Variants in ACVR1 observed in about 807,000 individuals in gnomAD.
The protein encoded by ACVR1 is activin A receptor type 1.
Under a neutral mutation model 57.1 loss-of-function variants are expected in ACVR1, and 38 were observed. The observed-to-expected ratio is 0.67, with a 90% confidence interval of 0.51 to 0.87. ACVR1 has a LOEUF of 0.87. Among genes scored for constraint, ACVR1 ranks in the 40% least tolerant of loss-of-function variants. The pLI is 0.00. For missense variants in ACVR1, 463 were observed against 638.2 expected (o/e 0.73, Z 2.96); for synonymous variants, 212 against 228.1 (o/e 0.93, Z 0.63).
chr2:157,803,909 A>T (rs1687420487), intron 2 of ACVR1, among the ~76,000 whole-genome samples: 3 of 149,538 alleles, frequency 2.0e-5, no homozygotes, highest in African/African-American at 7.4e-5. Flanking sequence ...ATACTACCTT[A>T]TTTTTTTTTT....
intron 3 of ACVR1, among the ~76,000 whole-genome samples, chr2:157,793,248 T>C (rs1686987394): frequency 6.6e-6 from 1 of 152,274 alleles, no homozygotes; most frequent in East Asian, 1.9e-4. Context: ...AGCTTAGGTG[T>C]TGAATTTGTT....
intron 9 of ACVR1, among the ~76,000 whole-genome samples, chr2:157,747,100 T>A (rs761727973): frequency 6.6e-6 from 1 of 152,224 alleles, no homozygotes; most frequent in African/African-American, 2.4e-5. Context: ...TGTATCATTA[T>A]AATGACCTTC....
chr2:157,742,554 C>G (rs1017268239), intron 9 of ACVR1, among the ~76,000 whole-genome samples: 5 of 152,122 alleles, frequency 3.3e-5, no homozygotes, highest in Non-Finnish European at 7.4e-5. Context: ...GGGCATATGT[C>G]TAGTTGAAAG....
In ACVR1 at chr2:157,738,561, T is replaced by C. The variant is rs1191828453; in HGVS notation, c.1274A>G (p.Glu425Gly). Residue 425 changes from glutamate to glycine, a missense_variant, in exon 10 of 11, where the codon GAG (glutamate) becomes GGG (glycine). Transcript: ENST00000434821. ...ATCGTAGAACGGTGGCTTGTAATCC[T>C]CCACTATACCTGCACACAAGGACAA... ...ARRMVSNGIV[E>G]DYKPPFYDVV... is the part of the protein sequence containing the mutation. 4.3e-6 allele frequency: 7 copies of C among 1,613,942 alleles called. No homozygotes were observed. The highest frequency in any genetic ancestry group is 1.3e-5 in the African/African-American group (1 of 74,902).
chr2:157,756,909 G>A (rs1191071534), intron 9 of ACVR1, among the ~76,000 whole-genome samples: 2 of 149,968 alleles, frequency 1.3e-5, no homozygotes, highest in African/African-American at 4.9e-5. Flanking sequence ...AAATGTCCAT[G>A]AATCAACAAG....
intron 1 of ACVR1, among the ~76,000 whole-genome samples, chr2:157,854,505 G>A (rs1042168563): frequency 1.3e-4 from 19 of 151,906 alleles, no homozygotes; most frequent in African/African-American, 2.7e-4. Flanking sequence ...GGAGGATCAC[G>A]AGGTCAGGAG....
chr2:157,767,903 A>G (rs1574040189), intron 7 of ACVR1, among the ~76,000 whole-genome samples: 2 of 152,294 alleles, frequency 1.3e-5, no homozygotes, highest in Admixed American at 1.3e-4. Context: ...GGCAGCTAAT[A>G]ATTATTGAGT....
intron 1 of ACVR1, among the ~76,000 whole-genome samples, chr2:157,825,809 T>C (rs989772591): frequency 3.3e-5 from 5 of 152,184 alleles, no homozygotes; most frequent in African/African-American, 1.2e-4. Context: ...AATCAGAGCA[T>C]CTTGAGTGAA....
intron 1 of ACVR1, among the ~76,000 whole-genome samples, chr2:157,855,717 C>T (rs1421646989): frequency 1.3e-5 from 2 of 152,066 alleles, no homozygotes; most frequent in Non-Finnish European, 2.9e-5. Context: ...GCTTTATAAA[C>T]TGTAAAGTCT....
chr2:157,815,195 T>C lies in ACVR1; in HGVS notation c.-8+3190A>G, dbSNP rs137870559. ...AAACCGTGGATACTGTTACCATGTGTGTAAAAGAAAAATTGTAATATATGC... is the reference window on the plus strand; with the variant it reads ...AAACCGTGGATACTGTTACCATGTGCGTAAAAGAAAAATTGTAATATATGC... On this transcript the variant is annotated intron_variant, in intron 2 of 10. Coordinates refer to ENST00000434821, the MANE Select transcript of ACVR1 (RefSeq NM_001111067.4). 9.8e-3 allele frequency among the ~76,000 whole-genome samples: 1,491 copies of C among 152,262 alleles called. 23 individuals carry two copies. The highest frequency in any genetic ancestry group is 0.033 in the African/African-American group (1,386 of 41,558).
At chr2:157,780,724 C>A in intron 3 of ACVR1, 124 bp from the exon 4 acceptor site, 1 of 1,188,192 alleles carries the variant, frequency 8.4e-7, no homozygotes, top group East Asian at 2.5e-5. Flanking sequence ...CTAAGCATCA[C>A]CATCAACCAT....
At chr2:157,823,505 T>C (rs769562676) in intron 1 of ACVR1, among the ~76,000 whole-genome samples, 4 of 152,078 alleles carry the variant, frequency 2.6e-5, no homozygotes, top group African/African-American at 4.8e-5. Context: ...ATCTCCAAGA[T>C]GTTTTAAGGA....
At chr2:157,814,876 G>C (rs1687877139) in intron 2 of ACVR1, among the ~76,000 whole-genome samples, 1 of 152,192 alleles carries the variant, frequency 6.6e-6, no homozygotes, top group Non-Finnish European at 1.5e-5. Flanking sequence ...CTGAGGTCAG[G>C]AGATCGTGAC....
intron 6 of ACVR1, among the ~76,000 whole-genome samples, chr2:157,773,030 C>T (rs1478853283): frequency 2.0e-5 from 3 of 152,118 alleles, no homozygotes; most frequent in Non-Finnish European, 4.4e-5. Flanking sequence ...GTGGTGGGGG[C>T]AGCTTATAGG....
At chr2:157,843,336 T>G (rs1422110800) in intron 1 of ACVR1, among the ~76,000 whole-genome samples, 2 of 152,208 alleles carry the variant, frequency 1.3e-5, no homozygotes, top group East Asian at 3.8e-4. Context: ...TCCATAATTA[T>G]CACTAGTGCC....
At chr2:157,831,354 A>G (rs1559083177) in intron 1 of ACVR1, among the ~76,000 whole-genome samples, 1 of 152,192 alleles carries the variant, frequency 6.6e-6, no homozygotes, top group Non-Finnish European at 1.5e-5. Context: ...TACACATGAA[A>G]TTGCTTAATG....
chr2:157,803,883 A>G (rs1284861707), intron 2 of ACVR1, among the ~76,000 whole-genome samples: 1 of 151,856 alleles, frequency 6.6e-6, no homozygotes, highest in Non-Finnish European at 1.5e-5. Flanking sequence ...TATATTCATA[A>G]TAAAATAACA....
intron 2 of ACVR1, among the ~76,000 whole-genome samples, chr2:157,805,464 G>T (rs1687485147): frequency 6.6e-6 from 1 of 152,124 alleles, no homozygotes; most frequent in South Asian, 2.1e-4. Flanking sequence ...CTCACCATTG[G>T]TAAGGGCTCT....
At chr2:157,835,040 C>G (rs1688730918) in intron 1 of ACVR1, among the ~76,000 whole-genome samples, 1 of 152,150 alleles carries the variant, frequency 6.6e-6, no homozygotes, top group Non-Finnish European at 1.5e-5. Context: ...AGCTACACAG[C>G]CTCTGGAATT....
Sources: gnomAD v4.1 joint callset for allele counts (sites outside exome capture counted in the v4.1 genomes callset) on GRCh38, gnomAD v4.1.1 for gene constraint, MANE v1.5 for transcripts, NCBI Gene and HGNC (gene_info 2026-07-23, HGNC 2026-07-21) for gene names.